The following MAF variants were observed in gnomAD, a reference collection of about 807,000 sequenced individuals.
MAF encodes the protein MAF bZIP transcription factor.
In MAF, 10 loss-of-function variants were observed where a neutral mutation model predicts 22.0. The ratio of observed to expected loss-of-function variants is 0.45; its 90% CI spans 0.28 to 0.77. The LOEUF (loss-of-function observed/expected upper bound fraction) is 0.77. MAF is among the 30% of genes least tolerant of loss of function. MAF has a pLI of 0.12. For missense variants in MAF, 544 were observed against 548.4 expected (o/e 0.99, Z 0.08); for synonymous variants, 337 against 255.8 (o/e 1.32, Z -3.03).
the MAF span, among the ~76,000 whole-genome samples, chr16:79,503,865 G>A: frequency 2.6e-5 from 4 of 151,914 alleles, no homozygotes; most frequent in African/African-American, 7.2e-5. Context: ...TTACTTTTTT[G>A]GTAATTTCTT....
At chr16:79,561,370 G>T in the MAF span, among the ~76,000 whole-genome samples, 4 of 151,040 alleles carry the variant, frequency 2.6e-5, no homozygotes, top group Admixed American at 2.0e-4. Flanking sequence ...CAACGTGCAG[G>T]TTAGTTACAT....
At chr16:79,343,760 A>G in the MAF span, among the ~76,000 whole-genome samples, 1 of 152,140 alleles carries the variant, frequency 6.6e-6, no homozygotes, top group African/African-American at 2.4e-5. Flanking sequence ...TACAAACAGG[A>G]TGGCAGATTT....
the MAF span, among the ~76,000 whole-genome samples, chr16:79,430,318 T>G: frequency 2.0e-5 from 3 of 152,240 alleles, no homozygotes; most frequent in Non-Finnish European, 2.9e-5. Context: ...AGGGCAGGGC[T>G]GCGTCTGCAC....
chr16:79,351,119 T>C, the MAF span, among the ~76,000 whole-genome samples: 7 of 152,166 alleles, frequency 4.6e-5, no homozygotes, highest in African/African-American at 9.7e-5. Context: ...TGCTTCACGA[T>C]TGAGTCCTCA....
At chr16:79,432,637 T>C in the MAF span, among the ~76,000 whole-genome samples, 1 of 152,100 alleles carries the variant, frequency 6.6e-6, no homozygotes, top group Non-Finnish European at 1.5e-5. Flanking sequence ...TATTTGGAAA[T>C]AGGACCTAGG....
the MAF span, among the ~76,000 whole-genome samples, chr16:79,444,131 T>C: frequency 6.6e-6 from 1 of 152,060 alleles, no homozygotes; most frequent in African/African-American, 2.4e-5. Context: ...ATTAAATGGG[T>C]AAAGCAAAAT....
chr16:79,235,348 T>G, the MAF span, among the ~76,000 whole-genome samples: 1 of 151,806 alleles, frequency 6.6e-6, no homozygotes, highest in Non-Finnish European at 1.5e-5. Context: ...AAGCCAGGAG[T>G]TTGAGGCAAG....
At chr16:79,388,803 T>C in the MAF span, among the ~76,000 whole-genome samples, 2 of 152,210 alleles carry the variant, frequency 1.3e-5, no homozygotes, top group African/African-American at 4.8e-5. Flanking sequence ...TATGTTCTCC[T>C]GTCCATTTCA....
the MAF span, among the ~76,000 whole-genome samples, chr16:79,304,670 G>T: frequency 6.6e-6 from 1 of 152,122 alleles, no homozygotes; most frequent in Non-Finnish European, 1.5e-5. Context: ...CATCAAGCCA[G>T]ACAACCAGAC....
the MAF span, among the ~76,000 whole-genome samples, chr16:79,214,773 C>T: frequency 4.2e-5 from 5 of 117,922 alleles, no homozygotes; most frequent in Non-Finnish European, 4.9e-5. Flanking sequence ...AGTGCAGTGG[C>T]GTGATTTTGG....
the MAF span, among the ~76,000 whole-genome samples, chr16:79,413,223 T>G: frequency 1.8e-4 from 3 of 16,760 alleles, no homozygotes; most frequent in African/African-American, 6.7e-4. Context: ...TTTTTTTTTT[T>G]TTTTTTTTTT....
At chr16:79,338,164 C>T in the MAF span, among the ~76,000 whole-genome samples, 1 of 152,140 alleles carries the variant, frequency 6.6e-6, no homozygotes, top group East Asian at 1.9e-4. Flanking sequence ...CAGTTTGCAA[C>T]AGTGAAATGC....
At chr16:79,302,029 C>G in the MAF span, among the ~76,000 whole-genome samples, 3 of 152,228 alleles carry the variant, frequency 2.0e-5, no homozygotes, top group Non-Finnish European at 2.9e-5. Flanking sequence ...TAGGCATGAC[C>G]TAGGTCATCC....
At chr16:79,414,741 G>A in the MAF span, among the ~76,000 whole-genome samples, 1 of 152,188 alleles carries the variant, frequency 6.6e-6, no homozygotes, top group Non-Finnish European at 1.5e-5. Context: ...AGATCAAAAT[G>A]GAGTTTTGTT....
chr16:79,393,508 C>T, the MAF span, among the ~76,000 whole-genome samples: 2 of 152,350 alleles, frequency 1.3e-5, no homozygotes, highest in South Asian at 4.1e-4. Flanking sequence ...GCTTTGTCCT[C>T]TGTCCTTTCA....
the MAF span, among the ~76,000 whole-genome samples, chr16:79,260,090 C>G: frequency 6.6e-6 from 1 of 152,154 alleles, no homozygotes; most frequent in African/African-American, 2.4e-5. Flanking sequence ...GCTTCCTTTT[C>G]TCTTTAACAC....
chr16:79,215,186 C>T, the MAF span, among the ~76,000 whole-genome samples: 1 of 152,180 alleles, frequency 6.6e-6, no homozygotes, highest in African/African-American at 2.4e-5. Context: ...TGCAGATTGC[C>T]TGCACCAGTG....
At chr16:79,276,703 T>C in the MAF span, among the ~76,000 whole-genome samples, 13 of 152,302 alleles carry the variant, frequency 8.5e-5, no homozygotes, top group South Asian at 6.2e-4. Context: ...GTGGTGATGG[T>C]GATGACGACA....
chr16:79,466,139 C>G, the MAF span, among the ~76,000 whole-genome samples: 5 of 152,138 alleles, frequency 3.3e-5, no homozygotes, highest in African/African-American at 7.2e-5. Flanking sequence ...TACTACCTGG[C>G]CTTCTACAAT....
Sources: allele counts gnomAD v4.1 joint callset (sites outside exome capture counted in the v4.1 genomes callset), GRCh38; gene constraint gnomAD v4.1.1; transcripts MANE v1.5; gene names NCBI Gene and HGNC (gene_info 2026-07-23, HGNC 2026-07-21).